The following AFTPH variants were observed in gnomAD, a reference collection of about 807,000 sequenced individuals.
AFTPH encodes the protein aftiphilin protein.
In AFTPH, 7 loss-of-function variants were observed where a neutral mutation model predicts 72.5. The observed-to-expected ratio is 0.10, with a 90% CI of 0.05 to 0.18. The LOEUF is 0.18. Among genes scored for constraint, AFTPH ranks in the 10% least tolerant of loss-of-function variants. The probability of loss-of-function intolerance (pLI) is 1.00; values close to 1 mark genes in which losing one functional copy is unlikely to be tolerated. For synonymous variants in AFTPH, 337 were observed against 370.1 expected, an observed-to-expected ratio of 0.91 and a Z score of 1.03; for missense variants, 979 against 1,060.5, an observed-to-expected ratio of 0.92 and a Z score of 1.07.
chr2:64,527,734 A>G (rs907424159), intron 1 of AFTPH, among the ~76,000 whole-genome samples: 1 of 152,342 alleles, frequency 6.6e-6, no homozygotes, highest in African/African-American at 2.4e-5. Flanking sequence ...AGGAGCTTCT[A>G]AGTTAAAAAA....
intron 1 of AFTPH, among the ~76,000 whole-genome samples, chr2:64,549,119 AC>A (rs1196666474): frequency 6.6e-6 from 1 of 152,172 alleles, no homozygotes; most frequent in Non-Finnish European, 1.5e-5. Flanking sequence ...TTTCTACGGT[AC>A]CTTCACTCTA....
exon 2 of AFTPH, chr2:64,551,750 C>T: frequency 6.2e-7 from 1 of 1,613,660 alleles, no homozygotes; most frequent in Non-Finnish European, 8.5e-7. Flanking sequence ...ATAAGGACAT[C>T]ACTGCTGAAC....
intron 8 of AFTPH, among the ~76,000 whole-genome samples, chr2:64,590,672 T>G (rs915729320): frequency 7.9e-5 from 12 of 152,258 alleles, no homozygotes; most frequent in Non-Finnish European, 1.6e-4. Flanking sequence ...AAGAACCTAG[T>G]ACTGAATGCA....
At chr2:64,572,803 TA>T (rs147232569) in intron 5 of AFTPH, 142 bp from the exon 6 acceptor site, 73,181 of 944,600 alleles carry the variant, frequency 0.077, 3 homozygotes, top group Non-Finnish European at 0.083. Flanking sequence ...CCTTGTCTCT[TA>T]AAAAAAAAAA....
intron 2 of AFTPH, among the ~76,000 whole-genome samples, chr2:64,560,592 GC>G (rs949762223): frequency 2.6e-5 from 4 of 152,156 alleles, no homozygotes; most frequent in African/African-American, 9.7e-5. Flanking sequence ...ATAGGGAGGG[GC>G]CGGGCATGGT....
chr2:64,552,863 G>A (rs1402282017), exon 2 of AFTPH: 1 of 1,614,182 alleles, frequency 6.2e-7, no homozygotes, highest in Non-Finnish European at 8.5e-7. Flanking sequence ...CTTTTGAAGA[G>A]TCTTCAGAGC....
chr2:64,548,379 G>A (rs1321742659), intron 1 of AFTPH, among the ~76,000 whole-genome samples: 1 of 113,094 alleles, frequency 8.8e-6, no homozygotes, highest in East Asian at 2.7e-4. Context: ...AGGCCTGGGC[G>A]ACAGAGCGAG....
At chr2:64,526,171 A>C (rs1192807731) in intron 1 of AFTPH, among the ~76,000 whole-genome samples, 1 of 152,252 alleles carries the variant, frequency 6.6e-6, no homozygotes, top group Admixed American at 6.5e-5. Flanking sequence ...GCCTTGATAC[A>C]TCTTGCCGAA....
Position 64,551,427 on chromosome 2 carries a change from TTTTTC to T in AFTPH, c.-32-11_-32-7del. ...TAATCTGTCCCCTCCAAAAATTCTT[TTTTTC>T]TTTTTTACAGGTGTAAATTAATTAT... On this transcript the variant is annotated splice_polypyrimidine_tract_variant and intron_variant, in intron 1 of 8. Transcript: ENST00000238856. 6.4e-7 allele frequency: 1 copy of T among 1,552,032 alleles called. No homozygotes were observed. Among genetic ancestry groups the T allele is most frequent in the Non-Finnish European group, 8.7e-7 (1 of 1,154,104 alleles).
At position 64,553,370 on chromosome 2, in the gene AFTPH, T is replaced by C. The variant is rs201878139; in HGVS notation, c.1896T>C (p.Val632=). Reference sequence around the variant, plus strand: ...CTTCAGCAACTTCCAAAGGAGCAGTTGCTAGTGGCCATTTACAGGAATCAG... The same window carrying C: ...CTTCAGCAACTTCCAAAGGAGCAGTCGCTAGTGGCCATTTACAGGAATCAG... The change falls in exon 2 of 9, where the codon GTT becomes GTC. Residue 632 remains valine, a synonymous_variant. Transcript: ENST00000238856. The C allele has an allele frequency of 4.4e-6, 7 of 1,602,188 alleles. No individual in the cohort carries two copies. In the Admixed American group the frequency reaches 8.7e-5, roughly 20 times the overall value.
intron 1 of AFTPH, among the ~76,000 whole-genome samples, chr2:64,540,967 A>G (rs994003910): frequency 6.6e-6 from 1 of 152,108 alleles, no homozygotes; most frequent in African/African-American, 2.4e-5. Flanking sequence ...AAGAATTTTT[A>G]TAATTGTAAT....
At chr2:64,558,172 T>C (rs1671503601) in intron 2 of AFTPH, among the ~76,000 whole-genome samples, 1 of 152,200 alleles carries the variant, frequency 6.6e-6, no homozygotes, top group Non-Finnish European at 1.5e-5. Flanking sequence ...ATTAAAACTA[T>C]TGATATTAAT....
intron 6 of AFTPH, among the ~76,000 whole-genome samples, chr2:64,577,436 G>C (rs181537136): frequency 9.2e-4 from 140 of 152,234 alleles, no homozygotes; most frequent in Middle Eastern, 3.4e-3. Flanking sequence ...TGTTTGAGCA[G>C]CTCAGATTTC....
intron 1 of AFTPH, among the ~76,000 whole-genome samples, chr2:64,538,911 G>C (rs1235315048): frequency 6.6e-6 from 1 of 152,160 alleles, no homozygotes; most frequent in Non-Finnish European, 1.5e-5. Flanking sequence ...GGGTGTTTGT[G>C]ATGTAGAAAG....
chr2:64,567,364 C>T (rs2104044611), intron 2 of AFTPH, among the ~76,000 whole-genome samples, 198 bp from the exon 3 acceptor site: 1 of 152,256 alleles, frequency 6.6e-6, no homozygotes, highest in Middle Eastern at 3.4e-3. Flanking sequence ...CTACGTAGCT[C>T]ATCATCATCA....
chr2:64,557,110 A>C (rs1352075969), intron 2 of AFTPH, among the ~76,000 whole-genome samples: 2 of 152,142 alleles, frequency 1.3e-5, no homozygotes, highest in Non-Finnish European at 2.9e-5. Flanking sequence ...GAAGCCAGGA[A>C]ATTTTTTTTT....
chr2:64,585,304 T>C (rs542131498), intron 7 of AFTPH, 118 bp from the exon 9 acceptor site: 102 of 1,226,344 alleles, frequency 8.3e-5, no homozygotes, highest in South Asian at 6.6e-4. Context: ...TCTAAAGATA[T>C]GTTCTGTTTG....
At chr2:64,576,979 A>C (rs562635914) in intron 6 of AFTPH, among the ~76,000 whole-genome samples, 20 of 152,134 alleles carry the variant, frequency 1.3e-4, no homozygotes, top group African/African-American at 4.6e-4. Flanking sequence ...GGCTGGTCTC[A>C]AACTCCTGAC....
chr2:64,591,894 G>A (rs201280244), exon 9 of AFTPH: 51 of 1,613,534 alleles, frequency 3.2e-5, no homozygotes, highest in Middle Eastern at 1.7e-4. Flanking sequence ...GTAGGAAACC[G>A]AAAAGAGAAG....
Sources: allele counts gnomAD v4.1 joint callset (sites outside exome capture counted in the v4.1 genomes callset), GRCh38; gene constraint gnomAD v4.1.1; transcripts MANE v1.5; gene names NCBI Gene and HGNC (gene_info 2026-07-23, HGNC 2026-07-21).